ZBTB20: variants seen among roughly 807,000 people sequenced by gnomAD.
ZBTB20 encodes zinc finger and BTB domain containing 20.
ZBTB20 carries 9 observed loss-of-function variants against 56.9 expected under a neutral mutation model. The observed-to-expected ratio is 0.16, with a 90% CI of 0.10 to 0.28. ZBTB20 has a LOEUF of 0.28. Ranked by LOEUF, ZBTB20 falls within the 10% of genes least tolerant of loss-of-function variation. The pLI is 1.00. For synonymous variants in ZBTB20, 417 were observed against 420.7 expected (o/e 0.99, Z 0.11); for missense variants, 655 against 1,003.0 (o/e 0.65, Z 4.69).
At chr3:114,554,574 A>T (rs952926434) in intron 6 of ZBTB20, among the ~76,000 whole-genome samples, 1 of 152,186 alleles carries the variant, frequency 6.6e-6, no homozygotes, top group Non-Finnish European at 1.5e-5. Context: ...AAAAAACAAT[A>T]AATTATTCTC....
At chr3:114,643,683 C>T (rs1397713867) in intron 6 of ZBTB20, among the ~76,000 whole-genome samples, 1 of 152,064 alleles carries the variant, frequency 6.6e-6, no homozygotes, top group Non-Finnish European at 1.5e-5. Context: ...AAAACTTCCC[C>T]AGAGGTATTG....
intron 7 of ZBTB20, among the ~76,000 whole-genome samples, chr3:114,432,222 C>A (rs140300404): frequency 6.6e-6 from 1 of 150,566 alleles, no homozygotes; most frequent in Non-Finnish European, 1.5e-5. Flanking sequence ...ATGTTTAATG[C>A]CATTTAAAGA....
At chr3:114,684,402 T>C (rs1385965062) in intron 6 of ZBTB20, among the ~76,000 whole-genome samples, 1 of 152,216 alleles carries the variant, frequency 6.6e-6, no homozygotes, top group Non-Finnish European at 1.5e-5. Context: ...ATCTGGTTTG[T>C]ATTTATTTTT....
intron 5 of ZBTB20, among the ~76,000 whole-genome samples, chr3:114,707,610 C>T (rs1047115804): frequency 2.6e-5 from 4 of 152,132 alleles, no homozygotes; most frequent in African/African-American, 9.7e-5. Context: ...CATGAAGGAC[C>T]CTGACCTATG....
At chr3:114,806,781 A>C (rs2072135915) in intron 4 of ZBTB20, among the ~76,000 whole-genome samples, 1 of 152,028 alleles carries the variant, frequency 6.6e-6, no homozygotes, top group Non-Finnish European at 1.5e-5. Context: ...ATAAGAACTA[A>C]AATATGTTTT....
Position 114,325,465 on chromosome 3 carries a change from A to G in ZBTB20, c.*13540T>C, listed in dbSNP as rs928141745. On this transcript the variant is annotated 3_prime_UTR_variant, in exon 12 of 12. Coordinates refer to ENST00000675478, the MANE Select transcript of ZBTB20 (RefSeq NM_001348800.3). ...CACTCCTCTCGGGCCCGGATAGCAC[A>G]TTAGGTATAGAAGTCAGGAGTTTCT... The G allele has an allele frequency of 6.6e-6, 1 of 152,188 alleles. No individual in the cohort carries two copies. The highest frequency in any genetic ancestry group is 2.4e-5 in the African/African-American group (1 of 41,448). The allele number at this position is 152,188 out of a possible 1,614,324, so 9.4% of individuals were successfully genotyped here.
At position 114,351,780 on chromosome 3, in the gene ZBTB20, G is replaced by A; in HGVS notation, c.298C>T (p.Arg100Cys). The A allele has an allele frequency of 6.2e-7, 1 of 1,611,442 alleles. No individual in the cohort carries two copies. The highest frequency in any genetic ancestry group is 8.5e-7 in the Non-Finnish European group (1 of 1,177,710). Reference sequence around the variant, plus strand: ...ACCGTTACGTCACAGAAGTGGCCACGGTTGCGCTGCTCGTTGAGGGTCTCG... The same window carrying A: ...ACCGTTACGTCACAGAAGTGGCCACAGTTGCGCTGCTCGTTGAGGGTCTCG... ...VLETLNEQRN[R>C]GHFCDVTVRI... Residue 100 changes from arginine (R) to cysteine (C), a missense_variant, in exon 11 of 12, where the codon CGT (arginine) becomes TGT (cysteine). Physicochemically the swap from Arg to Cys is radical, Grantham distance 180. This residue lies in a region of ZBTB20 where 57 missense variants were observed against 99.1 expected (regional missense o/e 0.58). Coordinates refer to ENST00000675478, the MANE Select transcript of ZBTB20 (RefSeq NM_001348800.3).
chr3:115,019,901 G>A (rs2080133983), intron 2 of ZBTB20, among the ~76,000 whole-genome samples: 1 of 151,226 alleles, frequency 6.6e-6, no homozygotes, highest in East Asian at 1.9e-4. Context: ...GCAGAGAAAA[G>A]TTAGAAATAA....
At chr3:114,688,047 T>C (rs1470959294) in intron 6 of ZBTB20, 4 of 152,162 alleles carry the variant, frequency 2.6e-5, no homozygotes, top group Admixed American at 6.6e-5. Context: ...CTGGACAACA[T>C]GGTGAAACCC....
intron 6 of ZBTB20, among the ~76,000 whole-genome samples, chr3:114,591,495 C>T (rs1467977233): frequency 6.6e-6 from 1 of 152,118 alleles, no homozygotes; most frequent in Non-Finnish European, 1.5e-5. Flanking sequence ...AACAAAGTTA[C>T]ATGTCTATTA....
rs35565597 is a variant in ZBTB20 at position 114,726,911 on chromosome 3, C to CAAAA, written c.-342-33340_-342-33337dup. ...TGGGCAAGAGAGAGAGACTCCATCA[C>CAAAA]AAAAAAAAAAAAAAAAAAAAAAAAA... On this transcript the variant is annotated intron_variant, in intron 5 of 11. Transcript: ENST00000675478. Among the ~76,000 whole-genome samples, 346 of 49,302 alleles carry CAAAA rather than the reference C, an allele frequency of 7.0e-3. 108 individuals carry two copies. Among genetic ancestry groups the CAAAA allele is most frequent in the Non-Finnish European group, 9.1e-3 (283 of 31,156 alleles). 32.3% of individuals were successfully genotyped at this position (49,302 alleles called of 152,430 possible).
At chr3:114,827,486 A>T (rs974158873) in intron 4 of ZBTB20, among the ~76,000 whole-genome samples, 37 of 151,842 alleles carry the variant, frequency 2.4e-4, no homozygotes, top group African/African-American at 8.9e-4. Context: ...TACTGCAAGC[A>T]AAAACAAAAA....
intron 1 of ZBTB20, among the ~76,000 whole-genome samples, chr3:115,077,663 G>A (rs1466557146): frequency 1.3e-5 from 2 of 152,194 alleles, no homozygotes; most frequent in East Asian, 1.9e-4. Context: ...CATCATCAGA[G>A]TAATTCAAAT....
chr3:115,143,243 T>C lies in ZBTB20; in HGVS notation c.-703+3976A>G, dbSNP rs186066233. Among the ~76,000 whole-genome samples, 11 of 152,346 alleles carry C rather than the reference T, an allele frequency of 7.2e-5. No individual in the cohort carries two copies. The East Asian group carries it at 2.1e-3, about 29-fold the overall frequency. Reference sequence around the variant, plus strand: ...CCTCTTGCATTACAAATAAGTCTATTAAAGCAGAAAAGTGCCAATCAAATG... The same window carrying C: ...CCTCTTGCATTACAAATAAGTCTATCAAAGCAGAAAAGTGCCAATCAAATG... On this transcript the variant is annotated intron_variant, in intron 1 of 11. Coordinates refer to ENST00000675478, the MANE Select transcript of ZBTB20 (RefSeq NM_001348800.3).
At chr3:114,749,304 T>A (rs1039005347) in intron 5 of ZBTB20, among the ~76,000 whole-genome samples, 24 of 152,164 alleles carry the variant, frequency 1.6e-4, no homozygotes, top group African/African-American at 5.5e-4. Flanking sequence ...CTGTAATCCA[T>A]GAACTTTGGG....
chr3:114,907,984 G>T (rs1399169399), intron 3 of ZBTB20, among the ~76,000 whole-genome samples: 1 of 151,804 alleles, frequency 6.6e-6, no homozygotes, highest in Non-Finnish European at 1.5e-5. Context: ...TAGATAGGGG[G>T]ACCAGCAAAG....
intron 3 of ZBTB20, among the ~76,000 whole-genome samples, chr3:114,945,762 A>C (rs2076864799): frequency 6.9e-6 from 1 of 145,490 alleles, no homozygotes; most frequent in Non-Finnish European, 1.5e-5. Flanking sequence ...TGAATTAAAA[A>C]TCACCATTAA....
chr3:114,576,501 C>CAAAAAAAAAAAAAAAAAAAAAAAA (rs61714991), intron 6 of ZBTB20, among the ~76,000 whole-genome samples: 1 of 24,112 alleles, frequency 4.1e-5, no homozygotes, highest in African/African-American at 1.4e-4. Context: ...GACTCCGTCT[C>CAAAAAAAAAAAAAAAAAAAAAAAA]AAAAAAAAAA....
intron 7 of ZBTB20, among the ~76,000 whole-genome samples, chr3:114,466,278 C>T (rs1023873445): frequency 5.3e-5 from 8 of 152,174 alleles, no homozygotes; most frequent in African/African-American, 1.9e-4. Context: ...ACTTCACACC[C>T]CGTTACTTTG....
Sources: allele counts gnomAD v4.1 joint callset (sites outside exome capture counted in the v4.1 genomes callset), GRCh38; gene constraint gnomAD v4.1.1; regional missense constraint gnomAD v4.1.1; transcripts MANE v1.5; gene names NCBI Gene and HGNC (gene_info 2026-07-23, HGNC 2026-07-21).